Variants in PDGFRL observed in about 807,000 individuals in gnomAD.
PDGFRL encodes platelet derived growth factor receptor like.
A neutral mutation model predicts 37.2 loss-of-function variants in PDGFRL; 46 were observed. The ratio of observed to expected loss-of-function variants is 1.24; its 90% CI spans 0.98 to 1.58. The LOEUF (loss-of-function observed/expected upper bound fraction) is 1.58. PDGFRL is among the 40% of genes most tolerant of loss of function. The pLI, the probability that PDGFRL is intolerant of heterozygous loss-of-function variation, is 0.00. For missense variants in PDGFRL, 692 were observed against 467.6 expected, an observed-to-expected ratio of 1.48 and a Z score of -4.43; for synonymous variants, 251 against 184.3, an observed-to-expected ratio of 1.36 and a Z score of -2.93.
intron 1 of PDGFRL, among the ~76,000 whole-genome samples, chr8:17,587,095 G>A (rs7011883): frequency 0.056 from 8,593 of 152,202 alleles, 381 homozygotes; most frequent in African/African-American, 0.1. Context: ...TTCCAATACC[G>A]TCTGGGTATC....
intron 2 of PDGFRL, among the ~76,000 whole-genome samples, chr8:17,600,222 C>T (rs1804139289): frequency 1.3e-5 from 2 of 152,152 alleles, no homozygotes; most frequent in African/African-American, 4.8e-5. Flanking sequence ...CCAGAGTTCG[C>T]TTTTCCATGC....
Position 17,615,244 on chromosome 8 carries a change from G to A in PDGFRL, c.354-5807G>A, listed in dbSNP as rs537505251. ...TTGACTTAATAGAAAACAGTGTACC[G>A]TTTCTACTATGGAATTTAAAATTCT... On this transcript the variant is annotated intron_variant, in intron 2 of 5. Transcript: ENST00000251630. Among the ~76,000 whole-genome samples the A allele has an allele frequency of 3.9e-5, 6 of 152,124 alleles. No homozygotes were observed. In the East Asian group the frequency reaches 5.8e-4, roughly 15 times the overall value.
intron 2 of PDGFRL, among the ~76,000 whole-genome samples, chr8:17,601,810 T>C (rs1392766710): frequency 6.6e-6 from 1 of 152,232 alleles, no homozygotes; most frequent in Non-Finnish European, 1.5e-5. Flanking sequence ...CATTCTTTTT[T>C]ATGGTTGTGT....
chr8:17,605,177 CTG>C (rs1356269463), intron 2 of PDGFRL, among the ~76,000 whole-genome samples: 1 of 151,970 alleles, frequency 6.6e-6, no homozygotes, highest in African/African-American at 2.4e-5. Context: ...GGGAGAGAGA[CTG>C]AAAGAAGATG....
At chr8:17,624,389 A>C (rs13439090) in intron 3 of PDGFRL, among the ~76,000 whole-genome samples, 13,614 of 152,170 alleles carry the variant, frequency 0.089, 1,783 homozygotes, top group African/African-American at 0.29. Context: ...ATCCAGGAGG[A>C]TCTTGGAAGG....
chr8:17,580,328 A>G (rs1309253311), intron 1 of PDGFRL, among the ~76,000 whole-genome samples: 1 of 152,206 alleles, frequency 6.6e-6, no homozygotes, highest in African/African-American at 2.4e-5. Flanking sequence ...TTTTTGAGAA[A>G]AAAAAAGAGT....
chr8:17,608,411 A>T (rs945238238), intron 2 of PDGFRL, among the ~76,000 whole-genome samples: 3 of 152,200 alleles, frequency 2.0e-5, no homozygotes, highest in African/African-American at 7.2e-5. Context: ...GATACAAGTG[A>T]ATCAATGTTG....
chr8:17,579,603 T>C (rs1803664726), intron 1 of PDGFRL, among the ~76,000 whole-genome samples: 1 of 151,058 alleles, frequency 6.6e-6, no homozygotes, highest in African/African-American at 2.4e-5. Context: ...AGTCTTGCTA[T>C]GTCACCCAGG....
chr8:17,626,442 C>A (rs928353112), intron 3 of PDGFRL, among the ~76,000 whole-genome samples: 1 of 152,166 alleles, frequency 6.6e-6, no homozygotes, highest in Non-Finnish European at 1.5e-5. Context: ...GGAAGGATCT[C>A]CGTGTTAGTG....
chr8:17,622,468 C>A (rs908450676), intron 3 of PDGFRL, among the ~76,000 whole-genome samples: 1 of 152,184 alleles, frequency 6.6e-6, no homozygotes, highest in African/African-American at 2.4e-5. Flanking sequence ...TATGCCCTGA[C>A]CATTAAAGAA....
rs574063810 is a variant in PDGFRL, at chr8:17,591,407, G to C, written c.353+1642G>C. 2.0e-5 allele frequency among the ~76,000 whole-genome samples: 3 copies of C among 152,298 alleles called. No homozygotes were observed. In the South Asian group the frequency reaches 6.2e-4, roughly 32 times the overall value. ...GAACCTGAGCATGGGCTCTGCGTCA[G>C]GGGGTGTGTACGGGGTTACAGTCCT... is the stretch of plus-strand genomic sequence containing the variant. On this transcript the variant is annotated intron_variant, in intron 2 of 5. Coordinates refer to ENST00000251630, the MANE Select transcript of PDGFRL (RefSeq NM_001372073.1).
At chr8:17,583,239 T>C (rs1461745968) in intron 1 of PDGFRL, among the ~76,000 whole-genome samples, 1 of 152,082 alleles carries the variant, frequency 6.6e-6, no homozygotes, top group Non-Finnish European at 1.5e-5. Context: ...GGGCACTGCC[T>C]AGGGGAGCCA....
intron 2 of PDGFRL, among the ~76,000 whole-genome samples, chr8:17,610,992 C>T (rs1262444032): frequency 6.6e-6 from 1 of 152,216 alleles, no homozygotes; most frequent in East Asian, 1.9e-4. Flanking sequence ...GGAAAGTAAT[C>T]ATCTGTAAAT....
rs1805040332 is a variant in PDGFRL at position 17,639,098 on chromosome 8, G to A, written c.940-3515G>A. On this transcript the variant is annotated intron_variant, in intron 5 of 5. Transcript: ENST00000251630. ...AATAGCTACTCCTGCTCACTTTGGTGTCCCTTTGCATGGAATATCTTTTCC... is the reference window on the plus strand; with the variant it reads ...AATAGCTACTCCTGCTCACTTTGGTATCCCTTTGCATGGAATATCTTTTCC... 3.3e-5 allele frequency among the ~76,000 whole-genome samples: 5 copies of A among 151,934 alleles called. No individual in the cohort carries two copies. The South Asian group carries it at 1.0e-3, about 31-fold the overall frequency.
chr8:17,621,275 G>A (rs1241925437), intron 3 of PDGFRL, 73 bp downstream of exon 3: 3 of 984,384 alleles, frequency 3.0e-6, no homozygotes, highest in Middle Eastern at 2.5e-4. Flanking sequence ...TTCCCCCACT[G>A]CATGCTGAAT....
At chr8:17,599,963 C>T (rs1804133125) in intron 2 of PDGFRL, among the ~76,000 whole-genome samples, 1 of 152,112 alleles carries the variant, frequency 6.6e-6, no homozygotes, top group Non-Finnish European at 1.5e-5. Flanking sequence ...ATCAACATCT[C>T]CTTGAAAAGG....
intron 1 of PDGFRL, among the ~76,000 whole-genome samples, chr8:17,581,832 C>T (rs1803714182): frequency 6.6e-6 from 1 of 152,118 alleles, no homozygotes; most frequent in South Asian, 2.1e-4. Context: ...TTATAAACAA[C>T]CCAGCCCTAC....
chr8:17,634,481 G>A (rs1183806851), intron 5 of PDGFRL, among the ~76,000 whole-genome samples: 1 of 145,298 alleles, frequency 6.9e-6, no homozygotes, highest in African/African-American at 2.5e-5. Flanking sequence ...TCATATGCAG[G>A]TTTTTTTTTT....
At chr8:17,578,979 C>T (rs952286817) in intron 1 of PDGFRL, among the ~76,000 whole-genome samples, 1 of 152,160 alleles carries the variant, frequency 6.6e-6, no homozygotes, top group African/African-American at 2.4e-5. Context: ...GCAGGTGGAT[C>T]ACAAGGTCAG....
Sources: allele counts gnomAD v4.1 joint callset (sites outside exome capture counted in the v4.1 genomes callset), GRCh38; gene constraint gnomAD v4.1.1; transcripts MANE v1.5; gene names NCBI Gene and HGNC (gene_info 2026-07-23, HGNC 2026-07-21).